Variants in RANBP2 observed in about 807,000 individuals in gnomAD.
RANBP2 encodes the protein RAN binding protein 2, also known as E3 SUMO-protein ligase RanBP2.
A neutral mutation model predicts 303.6 loss-of-function variants in RANBP2; 57 were observed. The observed-to-expected ratio is 0.19, with a 90% confidence interval of 0.15 to 0.23. The LOEUF is 0.23. Among genes scored for constraint, RANBP2 ranks in the 10% least tolerant of loss-of-function variants. The pLI, the probability that RANBP2 is intolerant of heterozygous loss-of-function variation, is 1.00. For missense variants in RANBP2, 3,138 were observed against 3,780.8 expected (o/e 0.83, Z 4.46); for synonymous variants, 1,167 against 1,301.5 (o/e 0.90, Z 2.23).
At chr2:109,545,400 CT>C in the RANBP2 span, 6 of 1,535,540 alleles carry the variant, frequency 3.9e-6, no homozygotes, top group Non-Finnish European at 5.2e-6. Context: ...ACCTACACGC[CT>C]TGCGATTATC....
At chr2:109,201,947 G>A in the RANBP2 span, among the ~76,000 whole-genome samples, 1 of 152,188 alleles carries the variant, frequency 6.6e-6, no homozygotes, top group Non-Finnish European at 1.5e-5. Context: ...AAAAACTGGT[G>A]GAGAAGCAAA....
chr2:109,486,333 T>C, the RANBP2 span, among the ~76,000 whole-genome samples: 1 of 152,168 alleles, frequency 6.6e-6, no homozygotes, highest in South Asian at 2.1e-4. Flanking sequence ...TGATTGTTTC[T>C]TTGTATACAG....
chr2:109,149,434 A>T, the RANBP2 span, among the ~76,000 whole-genome samples: 2 of 152,140 alleles, frequency 1.3e-5, no homozygotes, highest in Admixed American at 6.5e-5. Context: ...GCACTTCTAA[A>T]CCTCTTTAAT....
chr2:109,382,114 G>T, the RANBP2 span, among the ~76,000 whole-genome samples: 1 of 152,178 alleles, frequency 6.6e-6, no homozygotes, highest in African/African-American at 2.4e-5. Flanking sequence ...CATCAGAGTT[G>T]CAGTGGTCTG....
chr2:108,874,764 A>G, the RANBP2 span, among the ~76,000 whole-genome samples: 1 of 152,112 alleles, frequency 6.6e-6, no homozygotes, highest in African/African-American at 2.4e-5. Context: ...CTAGCGCTGA[A>G]TTTATCAATT....
chr2:109,010,876 C>A, the RANBP2 span, among the ~76,000 whole-genome samples: 1 of 152,206 alleles, frequency 6.6e-6, no homozygotes, highest in African/African-American at 2.4e-5. Context: ...AGCTGGATGG[C>A]AGAGGCCCGG....
the RANBP2 span, among the ~76,000 whole-genome samples, chr2:109,193,812 G>A: frequency 3.9e-5 from 6 of 152,308 alleles, no homozygotes; most frequent in South Asian, 1.2e-3. Flanking sequence ...CTTAGAAAGG[G>A]TGTTTTCTAC....
the RANBP2 span, among the ~76,000 whole-genome samples, chr2:109,245,555 A>G: frequency 1.3e-5 from 2 of 152,188 alleles, no homozygotes; most frequent in African/African-American, 4.8e-5. Context: ...GACAAACTGC[A>G]CCTCTAGCCT....
chr2:109,726,180 A>G, the RANBP2 span, among the ~76,000 whole-genome samples: 1 of 151,244 alleles, frequency 6.6e-6, no homozygotes, highest in African/African-American at 2.4e-5. Flanking sequence ...AGGCTGACGC[A>G]GGCGGATCAC....
At chr2:109,553,078 C>G in the RANBP2 span, 7 of 1,610,380 alleles carry the variant, frequency 4.3e-6, no homozygotes, top group Admixed American at 1.2e-4. Context: ...ATCAAACCAG[C>G]ATACTTGCCT....
At chr2:109,463,316 G>C in the RANBP2 span, among the ~76,000 whole-genome samples, 1 of 152,180 alleles carries the variant, frequency 6.6e-6, no homozygotes, top group Non-Finnish European at 1.5e-5. Flanking sequence ...CTTGTCTCAC[G>C]GTATTACCAC....
the RANBP2 span, among the ~76,000 whole-genome samples, chr2:109,453,433 G>A: frequency 2.3e-4 from 35 of 152,214 alleles, no homozygotes; most frequent in Non-Finnish European, 4.1e-4. Flanking sequence ...GTGTCCATCC[G>A]TGACAGTTTT....
chr2:109,648,543 A>G, the RANBP2 span, among the ~76,000 whole-genome samples: 1 of 151,664 alleles, frequency 6.6e-6, no homozygotes, highest in East Asian at 1.9e-4. Context: ...GGGTTTCACT[A>G]TGTTGGCCAG....
At chr2:108,909,792 G>A in the RANBP2 span, among the ~76,000 whole-genome samples, 11 of 152,200 alleles carry the variant, frequency 7.2e-5, no homozygotes, top group African/African-American at 2.2e-4. Flanking sequence ...TGGTAAACGC[G>A]GGAAAGGCTT....
chr2:109,550,256 C>T, the RANBP2 span, among the ~76,000 whole-genome samples: 3 of 151,508 alleles, frequency 2.0e-5, no homozygotes, highest in Admixed American at 1.3e-4. Context: ...CACCATTGTA[C>T]TCCAGCCTGG....
chr2:109,728,518 C>T, the RANBP2 span, among the ~76,000 whole-genome samples: 15 of 151,486 alleles, frequency 9.9e-5, no homozygotes, highest in African/African-American at 3.1e-4. Flanking sequence ...TACAGTGGCA[C>T]GATCTTGGCT....
the RANBP2 span, among the ~76,000 whole-genome samples, chr2:109,234,089 G>T: frequency 6.6e-6 from 1 of 152,194 alleles, no homozygotes; most frequent in Non-Finnish European, 1.5e-5. Flanking sequence ...AGAATTGCTG[G>T]ATCATAAGGT....
the RANBP2 span, chr2:109,347,644 C>T: frequency 6.0e-3 from 9,636 of 1,605,492 alleles, 41 homozygotes; most frequent in Non-Finnish European, 7.5e-3. Context: ...GGGGCATGCC[C>T]GGTGACCACA....
chr2:109,501,209 G>T, the RANBP2 span, among the ~76,000 whole-genome samples: 2 of 152,178 alleles, frequency 1.3e-5, no homozygotes, highest in African/African-American at 2.4e-5. Flanking sequence ...GCGTGGATAT[G>T]AGATGGGGGG....
Sources: allele counts gnomAD v4.1 joint callset (sites outside exome capture counted in the v4.1 genomes callset), GRCh38; gene constraint gnomAD v4.1.1; transcripts MANE v1.5; gene names NCBI Gene and HGNC (gene_info 2026-07-23, HGNC 2026-07-21).